The following NTM variants were observed in gnomAD, a reference collection of about 807,000 sequenced individuals.
NTM encodes the protein IgLON family member 2.
NTM carries 13 observed loss-of-function variants against 42.1 expected under a neutral mutation model. The observed-to-expected ratio is 0.31, with a 90% CI of 0.20 to 0.49. The LOEUF is 0.49. Among genes scored for constraint, NTM ranks in the 20% least tolerant of loss-of-function variants. NTM has a pLI of 0.99. For synonymous variants in NTM, 187 were observed against 179.2 expected, an observed-to-expected ratio of 1.04 and a Z score of -0.35; for missense variants, 373 against 452.8, an observed-to-expected ratio of 0.82 and a Z score of 1.60.
At chr11:131,753,684 T>C (rs1285202173) in intron 1 of NTM, among the ~76,000 whole-genome samples, 3 of 151,380 alleles carry the variant, frequency 2.0e-5, no homozygotes, top group African/African-American at 7.3e-5. Flanking sequence ...TAGGTGGGAA[T>C]TGAACAATGA....
chr11:131,665,680 G>T (rs1291545102), intron 1 of NTM, among the ~76,000 whole-genome samples: 1 of 152,170 alleles, frequency 6.6e-6, no homozygotes, highest in African/African-American at 2.4e-5. Flanking sequence ...CCAGTCTATG[G>T]TATTTTATTA....
intron 1 of NTM, among the ~76,000 whole-genome samples, chr11:131,455,094 T>C (rs1463499597): frequency 6.6e-6 from 1 of 152,120 alleles, no homozygotes; most frequent in Non-Finnish European, 1.5e-5. Context: ...AGCATGATAG[T>C]TCCATTTCAG....
chr11:132,010,510 C>A (rs1014443766), intron 2 of NTM, among the ~76,000 whole-genome samples: 6 of 152,138 alleles, frequency 3.9e-5, no homozygotes, highest in Admixed American at 6.5e-5. Context: ...GTGATTTGGT[C>A]ATGTCTCTCC....
At chr11:132,055,281 C>T (rs1218183228) in intron 2 of NTM, among the ~76,000 whole-genome samples, 1 of 152,164 alleles carries the variant, frequency 6.6e-6, no homozygotes, top group Admixed American at 6.5e-5. Context: ...CATGTTTCAC[C>T]TCTCAAAGAC....
At chr11:131,953,313 A>C (rs1032255777) in intron 2 of NTM, among the ~76,000 whole-genome samples, 6 of 152,130 alleles carry the variant, frequency 3.9e-5, no homozygotes, top group Non-Finnish European at 4.4e-5. Context: ...TTAGGACTAA[A>C]ATTGAGATCT....
chr11:131,511,058 AT>A (rs35889869), intron 1 of NTM, among the ~76,000 whole-genome samples: 22,938 of 152,148 alleles, frequency 0.15, 1,920 homozygotes, highest in Middle Eastern at 0.22. Flanking sequence ...AAAAAAATGG[AT>A]TTTGAAGAGA....
chr11:131,850,200 G>A (rs2136804867), intron 1 of NTM, among the ~76,000 whole-genome samples: 1 of 152,264 alleles, frequency 6.6e-6, no homozygotes, highest in East Asian at 1.9e-4. Context: ...AGCTTTGGGT[G>A]TTTGGGTTAG....
intron 1 of NTM, among the ~76,000 whole-genome samples, chr11:131,677,547 A>G (rs2134737469): frequency 6.6e-6 from 1 of 152,298 alleles, no homozygotes; most frequent in East Asian, 1.9e-4. Context: ...CATGACCCTG[A>G]GCTCCTCTCC....
At chr11:131,705,215 C>A (rs2076475438) in intron 1 of NTM, among the ~76,000 whole-genome samples, 1 of 152,148 alleles carries the variant, frequency 6.6e-6, no homozygotes, top group African/African-American at 2.4e-5. Flanking sequence ...TAGAAAATTT[C>A]AGAAGCAGTA....
intron 2 of NTM, among the ~76,000 whole-genome samples, chr11:131,986,304 T>C (rs973974155): frequency 1.8e-4 from 27 of 152,230 alleles, no homozygotes; most frequent in African/African-American, 6.5e-4. Flanking sequence ...TCTGCTGTTC[T>C]GGATTTTGCA....
rs528369664 is a variant in NTM, at chr11:131,944,095, G to C, written c.167+32447G>C. Among the ~76,000 whole-genome samples, 34 of 152,208 alleles carry C rather than the reference G, an allele frequency of 2.2e-4. No individual in the cohort carries two copies. In the South Asian group the frequency reaches 5.6e-3, roughly 25 times the overall value. On this transcript the variant is annotated intron_variant, in intron 2 of 8. Transcript: ENST00000683400. ...TCTGTGAGAGCTTAGAAAACGGCTA[G>C]TAATTTGAAGACAACCTATGTGACA...
At chr11:131,388,091 T>G (rs1295009045) in intron 1 of NTM, among the ~76,000 whole-genome samples, 1 of 152,188 alleles carries the variant, frequency 6.6e-6, no homozygotes, top group Non-Finnish European at 1.5e-5. Context: ...TTGGGAGCTC[T>G]TTCTGGAAGG....
chr11:132,084,799 A>G (rs1281303022), intron 2 of NTM, among the ~76,000 whole-genome samples: 4 of 152,158 alleles, frequency 2.6e-5, no homozygotes, highest in Admixed American at 1.3e-4. Flanking sequence ...ATCTTTTACT[A>G]TTACATGAAA....
In NTM at chr11:131,432,839, C is replaced by CTTTTTTTTTTTTTTT. The variant is rs377739708; in HGVS notation, c.82+61969_82+61983dup. ...CTACAAAAGATGAAGATTTAGCATT[C>CTTTTTTTTTTTTTTT]TTTTTTTTTTTTTTTTTTTTTTTTT... On this transcript the variant is annotated intron_variant, in intron 1 of 8. Transcript: ENST00000683400. Among the ~76,000 whole-genome samples the CTTTTTTTTTTTTTTT allele has an allele frequency of 2.3e-3, 156 of 68,688 alleles. 11 individuals are homozygous for CTTTTTTTTTTTTTTT. The highest frequency in any genetic ancestry group is 2.8e-3 in the Non-Finnish European group (107 of 38,806). 45.1% of individuals were successfully genotyped at this position (68,688 alleles called of 152,430 possible).
chr11:131,635,792 A>G (rs977169091), intron 1 of NTM, among the ~76,000 whole-genome samples: 9 of 152,150 alleles, frequency 5.9e-5, no homozygotes, highest in African/African-American at 2.2e-4. Flanking sequence ...ACCCAGAGGA[A>G]CTTCCAGTCC....
chr11:131,952,346 C>A (rs666628), intron 2 of NTM, among the ~76,000 whole-genome samples: 39,667 of 152,132 alleles, frequency 0.26, 5,880 homozygotes, highest in East Asian at 0.68. Flanking sequence ...ACTCTATAGT[C>A]ATCTAAATAC....
intron 1 of NTM, among the ~76,000 whole-genome samples, chr11:131,372,567 G>A (rs757608249): frequency 2.0e-5 from 3 of 152,034 alleles, no homozygotes; most frequent in Non-Finnish European, 4.4e-5. Context: ...GGGGTTGACA[G>A]CAAAAATGAA....
chr11:131,572,190 G>A (rs528520503), intron 1 of NTM, among the ~76,000 whole-genome samples: 1 of 152,232 alleles, frequency 6.6e-6, no homozygotes, highest in East Asian at 1.9e-4. Context: ...CTTTCAGAAA[G>A]GATATCACTG....
At chr11:132,265,557 G>A (rs1483288908) in intron 4 of NTM, among the ~76,000 whole-genome samples, 2 of 152,124 alleles carry the variant, frequency 1.3e-5, no homozygotes, top group East Asian at 1.9e-4. Flanking sequence ...CAGCACTGAT[G>A]TTAATGTAAT....
Sources: allele counts gnomAD v4.1 joint callset (sites outside exome capture counted in the v4.1 genomes callset), GRCh38; gene constraint gnomAD v4.1.1; transcripts MANE v1.5; gene names NCBI Gene and HGNC (gene_info 2026-07-23, HGNC 2026-07-21).